DLG2: variants seen among roughly 807,000 people sequenced by gnomAD.
DLG2 encodes disks large homolog 2.
In DLG2, 45 loss-of-function variants were observed where a neutral mutation model predicts 132.5. That is an observed-to-expected ratio of 0.34 (90% CI 0.27 to 0.44). DLG2 has a LOEUF of 0.44. Ranked by LOEUF, DLG2 falls within the 20% of genes least tolerant of loss-of-function variation. The pLI is 1.00. For synonymous variants in DLG2, 424 were observed against 419.6 expected (o/e 1.01, Z -0.13); for missense variants, 1,045 against 1,196.9 (o/e 0.87, Z 1.87).
chr11:84,398,657 T>G (rs1023857095), intron 7 of DLG2, among the ~76,000 whole-genome samples: 3 of 152,188 alleles, frequency 2.0e-5, no homozygotes, highest in Non-Finnish European at 4.4e-5. Context: ...GTATTTTAGA[T>G]GGACAGCAAA....
chr11:85,020,992 C>T (rs1372312061), intron 6 of DLG2: 6 of 778,864 alleles, frequency 7.7e-6, no homozygotes, highest in Non-Finnish European at 1.4e-5. Context: ...TGCTCCTCTT[C>T]TGACTTATTA....
intron 3 of DLG2, among the ~76,000 whole-genome samples, chr11:85,466,254 G>A (rs919171289): frequency 1.3e-5 from 2 of 152,162 alleles, no homozygotes; most frequent in Non-Finnish European, 2.9e-5. Flanking sequence ...CTCCCATTCT[G>A]TAGGTTGCCT....
chr11:83,634,793 T>C (rs1221953219), intron 18 of DLG2, among the ~76,000 whole-genome samples: 1 of 152,126 alleles, frequency 6.6e-6, no homozygotes, highest in Non-Finnish European at 1.5e-5. Flanking sequence ...AATAAATAGA[T>C]AACAGGAAAA....
chr11:83,617,602 C>A (rs2153425161), intron 19 of DLG2, among the ~76,000 whole-genome samples: 1 of 152,220 alleles, frequency 6.6e-6, no homozygotes, highest in Non-Finnish European at 1.5e-5. Flanking sequence ...TCCTTCCAAT[C>A]ATCTTACTTT....
intron 22 of DLG2, among the ~76,000 whole-genome samples, chr11:83,480,816 T>C (rs1465183861): frequency 6.6e-6 from 1 of 152,138 alleles, no homozygotes; most frequent in South Asian, 2.1e-4. Context: ...GGCAGTGTTT[T>C]CTTGCAGGCT....
At chr11:85,509,631 A>C (rs1598103826) in intron 3 of DLG2, among the ~76,000 whole-genome samples, 3 of 152,226 alleles carry the variant, frequency 2.0e-5, no homozygotes, top group Non-Finnish European at 4.4e-5. Flanking sequence ...GATGTATCTA[A>C]AATGCAGACC....
chr11:85,568,295 G>A (rs76540311), intron 3 of DLG2, among the ~76,000 whole-genome samples: 5,386 of 152,034 alleles, frequency 0.035, 147 homozygotes, highest in Admixed American at 0.052. Context: ...GATTACAGGC[G>A]TGCGTAACCA....
intron 10 of DLG2, among the ~76,000 whole-genome samples, chr11:84,092,544 T>C (rs2097107959): frequency 6.6e-6 from 1 of 152,302 alleles, no homozygotes; most frequent in East Asian, 1.9e-4. Context: ...ATATCTCTTT[T>C]ATGAGAAGTT....
chr11:85,158,200 G>A (rs781483921), intron 4 of DLG2, among the ~76,000 whole-genome samples: 7 of 152,142 alleles, frequency 4.6e-5, no homozygotes, highest in Non-Finnish European at 8.8e-5. Flanking sequence ...GCATGGGAAT[G>A]GATATTAAGG....
At chr11:83,535,207 C>A (rs1470165931) in intron 20 of DLG2, among the ~76,000 whole-genome samples, 2 of 152,066 alleles carry the variant, frequency 1.3e-5, no homozygotes, top group African/African-American at 4.8e-5. Flanking sequence ...TTGTTACAGC[C>A]CTAACTTTAT....
chr11:84,513,298 A>G (rs1283355778), intron 7 of DLG2, among the ~76,000 whole-genome samples: 1 of 152,068 alleles, frequency 6.6e-6, no homozygotes, highest in Non-Finnish European at 1.5e-5. Context: ...CTATAAAAAT[A>G]CCAATGACAT....
intron 6 of DLG2, among the ~76,000 whole-genome samples, chr11:84,864,122 A>G (rs942220685): frequency 6.6e-6 from 1 of 152,236 alleles, no homozygotes; most frequent in African/African-American, 2.4e-5. Context: ...ACTGGTGGAC[A>G]TGGGTTGCAG....
rs554599483 is a variant in DLG2, at chr11:84,226,064, G to C, written c.573+25174C>G. On this transcript the variant is annotated intron_variant, in intron 8 of 27. Transcript: ENST00000376104. ...GACCTCAAGTGATCCGCCTGCCTTG[G>C]CCTCCCAAAGCGTTGGGATTACAGG... Among the ~76,000 whole-genome samples, 17 of 152,298 alleles carry C rather than the reference G, an allele frequency of 1.1e-4. 1 individual carries two copies. Among genetic ancestry groups the C allele is most frequent in the Admixed American group, 9.1e-4 (14 of 15,302 alleles).
At chr11:83,582,314 G>T (rs2096994614) in intron 19 of DLG2, among the ~76,000 whole-genome samples, 1 of 152,080 alleles carries the variant, frequency 6.6e-6, no homozygotes, top group Admixed American at 6.6e-5. Context: ...ATAGTGCTTT[G>T]GTTCCAAGAC....
chr11:83,740,179 C>T (rs541892293), intron 18 of DLG2, among the ~76,000 whole-genome samples: 146 of 152,280 alleles, frequency 9.6e-4, no homozygotes, highest in South Asian at 2.5e-3. Context: ...TATATATACA[C>T]CTTTGTTCCA....
chr11:83,896,487 G>A (rs939140738), intron 15 of DLG2, among the ~76,000 whole-genome samples: 4 of 152,060 alleles, frequency 2.6e-5, no homozygotes, highest in Non-Finnish European at 5.9e-5. Context: ...TTAATTTTGT[G>A]AAAGATGGAC....
intron 6 of DLG2, among the ~76,000 whole-genome samples, chr11:84,957,883 G>T (rs2051937113): frequency 1.3e-5 from 2 of 152,120 alleles, no homozygotes; most frequent in African/African-American, 4.8e-5. Flanking sequence ...ATATTCATTG[G>T]TTTGGTGCCT....
intron 7 of DLG2, among the ~76,000 whole-genome samples, chr11:84,487,605 T>C (rs933702225): frequency 1.3e-5 from 2 of 152,178 alleles, no homozygotes; most frequent in African/African-American, 4.8e-5. Context: ...TTGTGAAAGA[T>C]ACTGTAAGTT....
At chr11:84,547,178 C>T (rs2099391699) in intron 6 of DLG2, among the ~76,000 whole-genome samples, 1 of 151,868 alleles carries the variant, frequency 6.6e-6, no homozygotes, top group African/African-American at 2.4e-5. Flanking sequence ...TAAGTAGTCA[C>T]TTAGTAGAAG....
Sources: allele counts gnomAD v4.1 joint callset (sites outside exome capture counted in the v4.1 genomes callset), GRCh38; gene constraint gnomAD v4.1.1; transcripts MANE v1.5; gene names NCBI Gene and HGNC (gene_info 2026-07-23, HGNC 2026-07-21).